The following RAPGEF6 variants were observed in gnomAD, a reference collection of about 807,000 sequenced individuals.
The protein encoded by RAPGEF6 is Rap guanine nucleotide exchange factor 6, also known as PDZ domain containing guanine nucleotide exchange factor (GEF) 2.
RAPGEF6 carries 56 observed loss-of-function variants against 171.4 expected under a neutral mutation model. That is an observed-to-expected ratio of 0.33 (90% CI 0.26 to 0.41). The LOEUF (loss-of-function observed/expected upper bound fraction) is 0.41, where lower values mean the gene tolerates loss of function less well. RAPGEF6 is among the 10% of genes least tolerant of loss of function. The pLI is 1.00. For synonymous variants in RAPGEF6, 692 were observed against 650.1 expected (o/e 1.06, Z -0.98); for missense variants, 1,674 against 1,921.4 (o/e 0.87, Z 2.41).
rs1404999213 is a variant in RAPGEF6, at chr5:131,582,814, GAT to G, written c.281+9567_281+9568del. Among the ~76,000 whole-genome samples, 3 of 152,264 alleles carry G rather than the reference GAT, an allele frequency of 2.0e-5. No individual in the cohort carries two copies. The East Asian group carries it at 5.8e-4, about 29-fold the overall frequency. Reference sequence around the variant, plus strand: ...AAAGGCTCAGAGACACTTCATAAAAGATATGAATTCTCATAGACTGCCGGTGA... The same window carrying G: ...AAAGGCTCAGAGACACTTCATAAAAGATGAATTCTCATAGACTGCCGGTGA... On this transcript the variant is annotated intron_variant, in intron 4 of 27. Transcript: ENST00000509018.
chr5:131,494,858 G>T (rs1449867583), intron 13 of RAPGEF6, among the ~76,000 whole-genome samples: 1 of 152,170 alleles, frequency 6.6e-6, no homozygotes, highest in Admixed American at 6.5e-5. Flanking sequence ...ACATGTGTAT[G>T]ACTAAATCAG....
At chr5:131,624,437 C>T (rs1765783204) in intron 1 of RAPGEF6, among the ~76,000 whole-genome samples, 1 of 152,118 alleles carries the variant, frequency 6.6e-6, no homozygotes, top group Admixed American at 6.6e-5. Flanking sequence ...GTTAAAAGTC[C>T]AATACAAAGG....
chr5:131,450,569 G>A (rs573852841), intron 21 of RAPGEF6, among the ~76,000 whole-genome samples: 1 of 152,182 alleles, frequency 6.6e-6, no homozygotes, highest in East Asian at 1.9e-4. Context: ...AACTTAAAAT[G>A]TAAGAAAAAA....
At chr5:131,569,681 C>A (rs571576476) in intron 4 of RAPGEF6, among the ~76,000 whole-genome samples, 1 of 152,048 alleles carries the variant, frequency 6.6e-6, no homozygotes, top group Non-Finnish European at 1.5e-5. Context: ...GCTCTATTCT[C>A]AAAAATAAAC....
At position 131,464,757 on chromosome 5, in the gene RAPGEF6, A is replaced by G. The variant is rs145589689; in HGVS notation, c.2240-476T>C. Among the ~76,000 whole-genome samples, 572 of 152,290 alleles carry G rather than the reference A, an allele frequency of 3.8e-3. 4 individuals carry two copies. Among genetic ancestry groups the G allele is most frequent in the African/African-American group, 0.013 (542 of 41,562 alleles). On this transcript the variant is annotated intron_variant, in intron 17 of 27. Transcript: ENST00000509018. ...GTAAGTAAGCCTCTGCAGGCAATCT[A>G]CTTCCTCCGTGAAAATTCTCAAAAA...
chr5:131,589,804 CA>C (rs1763482630), intron 4 of RAPGEF6, among the ~76,000 whole-genome samples: 1 of 152,196 alleles, frequency 6.6e-6, no homozygotes, highest in Admixed American at 6.5e-5. Context: ...GGGCCATCTG[CA>C]TCCTGGTAAG....
chr5:131,435,292 G>C (rs536540608), intron 24 of RAPGEF6, among the ~76,000 whole-genome samples: 123 of 152,204 alleles, frequency 8.1e-4, no homozygotes, highest in Admixed American at 3.0e-3. Flanking sequence ...CTCTGAACTT[G>C]GGATCACTGC....
rs150647498 is a variant in RAPGEF6 at position 131,493,419 on chromosome 5, C to T, written c.1528-634G>A. ...CACACTCTACTCCCACCTTGCTTAT[C>T]TCCTGGCTGTTATATAAAACCAGAA... On this transcript the variant is annotated intron_variant, in intron 13 of 27. Coordinates refer to ENST00000509018, the MANE Select transcript of RAPGEF6 (RefSeq NM_016340.6). Among the ~76,000 whole-genome samples the T allele has an allele frequency of 3.7e-3, 568 of 152,330 alleles. 4 individuals are homozygous for T. The highest frequency in any genetic ancestry group is 0.013 in the African/African-American group (555 of 41,570).
intron 14 of RAPGEF6, among the ~76,000 whole-genome samples, chr5:131,491,673 G>A (rs1247017559): frequency 2.0e-5 from 3 of 152,162 alleles, no homozygotes; most frequent in Non-Finnish European, 2.9e-5. Context: ...TCATAGGAGT[G>A]TGAACCCTGT....
chr5:131,601,756 G>A (rs182345043), intron 3 of RAPGEF6, among the ~76,000 whole-genome samples: 5 of 152,244 alleles, frequency 3.3e-5, no homozygotes, highest in African/African-American at 4.8e-5. Flanking sequence ...ACAATTGGCC[G>A]GGCGCAGTGG....
intron 21 of RAPGEF6, chr5:131,449,999 A>G (rs1206804074): frequency 1.3e-6 from 2 of 1,533,354 alleles, no homozygotes; most frequent in South Asian, 1.2e-5. Flanking sequence ...CCTTCATTCC[A>G]GTTGCGTTCA....
At chr5:131,517,249 A>G (rs1251816039) in intron 7 of RAPGEF6, among the ~76,000 whole-genome samples, 2 of 151,882 alleles carry the variant, frequency 1.3e-5, no homozygotes, top group Non-Finnish European at 2.9e-5. Flanking sequence ...CTGCACATGT[A>G]CCCCCCTGCA....
intron 5 of RAPGEF6, among the ~76,000 whole-genome samples, chr5:131,553,524 C>A (rs1390924321): frequency 6.6e-6 from 1 of 152,144 alleles, no homozygotes; most frequent in East Asian, 1.9e-4. Flanking sequence ...CTTCAATCAA[C>A]TATGATTAAA....
chr5:131,455,351 C>T (rs935412305), intron 20 of RAPGEF6, among the ~76,000 whole-genome samples: 4 of 152,192 alleles, frequency 2.6e-5, no homozygotes, highest in Admixed American at 1.3e-4. Flanking sequence ...CTCCGCCTCC[C>T]GGGCTCCTGC....
intron 11 of RAPGEF6, among the ~76,000 whole-genome samples, chr5:131,499,732 T>C (rs1336712166): frequency 6.6e-6 from 1 of 152,090 alleles, no homozygotes; most frequent in Non-Finnish European, 1.5e-5. Flanking sequence ...AAGCCTGATA[T>C]AAAAACTGTT....
At chr5:131,633,675 G>A (rs972713217) in intron 1 of RAPGEF6, among the ~76,000 whole-genome samples, 4 of 152,090 alleles carry the variant, frequency 2.6e-5, no homozygotes, top group Admixed American at 6.6e-5. Flanking sequence ...AGGTTGTAGT[G>A]AGCCAATATC....
chr5:131,629,374 T>C (rs1416187316), intron 1 of RAPGEF6, among the ~76,000 whole-genome samples: 1 of 151,942 alleles, frequency 6.6e-6, no homozygotes, highest in Non-Finnish European at 1.5e-5. Context: ...TAACAGGAGT[T>C]TGAAAGAGGT....
rs1751423025 is a variant in RAPGEF6 at position 131,426,995 on chromosome 5, C to T, written c.*271G>A. ...GGATCACTCTGAGTTTACATTTTTT[C>T]TGTAACTGTGGTCCCAAGGCAGTTC... On this transcript the variant is annotated 3_prime_UTR_variant, in exon 28 of 28. Transcript: ENST00000509018. 2.2e-6 allele frequency: 1 copy of T among 458,084 alleles called. No homozygotes were observed. Among genetic ancestry groups the T allele is most frequent in the African/African-American group, 2.0e-5 (1 of 49,154 alleles). 28.4% of individuals were successfully genotyped at this position (458,084 alleles called of 1,614,324 possible).
Position 131,439,677 on chromosome 5 carries a change from C to G in RAPGEF6, c.3649G>C (p.Glu1217Gln). ...TCTGTATGCTTCTTACCACTTATTT[C>G]TTCAGTTGTTCCTAAAACTTTCTGA... ...LPQKVLGTTE[E>Q]ISGKKHTEDT... is the part of the protein sequence containing the mutation. The change falls in exon 24 of 28, where the codon GAA becomes CAA. Residue 1217 changes from glutamate to glutamine, a missense_variant. Around this residue, in one of 3 missense-constraint regions of RAPGEF6, gnomAD observed 552 missense variants for 574.2 expected, o/e 0.96. Transcript: ENST00000509018. The G allele has an allele frequency of 1.2e-6, 2 of 1,612,524 alleles. No individual in the cohort carries two copies. Among genetic ancestry groups the G allele is most frequent in the Non-Finnish European group, 1.7e-6 (2 of 1,179,566 alleles).
Sources: allele counts gnomAD v4.1 joint callset (sites outside exome capture counted in the v4.1 genomes callset), GRCh38; gene constraint gnomAD v4.1.1; regional missense constraint gnomAD v4.1.1; transcripts MANE v1.5; gene names NCBI Gene and HGNC (gene_info 2026-07-23, HGNC 2026-07-21).